Variants in ADGRB3 observed in about 807,000 individuals in gnomAD.
ADGRB3 encodes the protein brain-specific angiogenesis inhibitor 3.
Under a neutral mutation model 193.4 loss-of-function variants are expected in ADGRB3, and 37 were observed. The ratio of observed to expected loss-of-function variants is 0.19; its 90% CI spans 0.15 to 0.25. ADGRB3 has a LOEUF of 0.25. Ranked by LOEUF, ADGRB3 falls within the 10% of genes least tolerant of loss-of-function variation. The probability of loss-of-function intolerance (pLI) is 1.00; values close to 1 mark genes in which losing one functional copy is unlikely to be tolerated. For synonymous variants in ADGRB3, 690 were observed against 644.2 expected, an observed-to-expected ratio of 1.07 and a Z score of -1.08; for missense variants, 1,637 against 1,852.9, an observed-to-expected ratio of 0.88 and a Z score of 2.14.
chr6:68,737,041 T>C (rs959270401), intron 3 of ADGRB3, among the ~76,000 whole-genome samples: 3 of 152,160 alleles, frequency 2.0e-5, no homozygotes, highest in African/African-American at 7.2e-5. Flanking sequence ...TTTTAATCTG[T>C]GAGAAAAGTA....
intron 17 of ADGRB3, among the ~76,000 whole-genome samples, chr6:69,230,087 A>C (rs546035573): frequency 6.6e-6 from 1 of 152,196 alleles, no homozygotes; most frequent in Non-Finnish European, 1.5e-5. Context: ...AATTTCTGCA[A>C]ACATAGTTAC....
Position 69,063,049 on chromosome 6 carries a change from C to A in ADGRB3, c.2436+13C>A, listed in dbSNP as rs765781453. On this transcript the variant is annotated intron_variant, in intron 16 of 31. Coordinates refer to ENST00000370598, the MANE Select transcript of ADGRB3 (RefSeq NM_001704.3). ...TCATTTGGCTAATGTAAGTACCATCCACTGGGCACTGACTTGCTTATGGAA... is the reference window on the plus strand; with the variant it reads ...TCATTTGGCTAATGTAAGTACCATCAACTGGGCACTGACTTGCTTATGGAA... 1 of 1,567,428 alleles carries A rather than the reference C, an allele frequency of 6.4e-7. No homozygotes were observed. The highest frequency in any genetic ancestry group is 1.7e-4 in the Middle Eastern group (1 of 5,962).
Position 69,100,570 on chromosome 6 carries a change from G to C in ADGRB3, c.2480+24532G>C, listed in dbSNP as rs181108487. Among the ~76,000 whole-genome samples, 661 of 152,156 alleles carry C rather than the reference G, an allele frequency of 4.3e-3. 8 individuals are homozygous for C. The highest frequency in any genetic ancestry group is 0.015 in the African/African-American group (626 of 41,546). On this transcript the variant is annotated intron_variant, in intron 17 of 31. Transcript: ENST00000370598. ...CTCCCATATTAAATGCTTTTTGGCT[G>C]TATGGGTCAATGGGAATACAAGAAG... is the stretch of plus-strand genomic sequence containing the variant.
chr6:69,385,338 GA>G (rs1023280294), intron 31 of ADGRB3, among the ~76,000 whole-genome samples: 2 of 151,678 alleles, frequency 1.3e-5, no homozygotes, highest in East Asian at 1.9e-4. Flanking sequence ...GAGGAAGGAA[GA>G]AAAAAAGGAA....
In ADGRB3 at chr6:69,352,767, AGTTTT is replaced by A. The variant is rs3834303; in HGVS notation, c.3460-1446_3460-1442del. Among the ~76,000 whole-genome samples the A allele has an allele frequency of 3.3e-3, 500 of 152,312 alleles. 14 individuals carry two copies. The East Asian group carries it at 0.079, about 24-fold the overall frequency. ...AAGCTAAAAACAATGTAATAGGCTCAGTTTTGTTTTGTTTTGTTTTGTTTCCTGGC... is the reference window on the plus strand; with the variant it reads ...AAGCTAAAAACAATGTAATAGGCTCAGTTTTGTTTTGTTTTGTTTCCTGGC... On this transcript the variant is annotated intron_variant, in intron 26 of 31. Coordinates refer to ENST00000370598, the MANE Select transcript of ADGRB3 (RefSeq NM_001704.3).
At chr6:68,717,596 G>A (rs768785059) in intron 3 of ADGRB3, among the ~76,000 whole-genome samples, 6 of 151,456 alleles carry the variant, frequency 4.0e-5, no homozygotes, top group African/African-American at 1.2e-4. Context: ...CTGGGAAAGC[G>A]CTGGAAGCAC....
intron 17 of ADGRB3, among the ~76,000 whole-genome samples, chr6:69,160,117 G>T (rs1008654848): frequency 6.6e-6 from 1 of 152,066 alleles, no homozygotes; most frequent in Non-Finnish European, 1.5e-5. Flanking sequence ...ATTCTGACAG[G>T]TCTTCCTGAT....
intron 13 of ADGRB3, among the ~76,000 whole-genome samples, chr6:69,029,976 G>GCGCA (rs1554247942): frequency 1.3e-4 from 19 of 145,198 alleles, no homozygotes; most frequent in African/African-American, 3.4e-4. Flanking sequence ...TATATAGAAT[G>GCGCA]CACACACACA....
At chr6:69,228,482 T>C (rs554349435) in intron 17 of ADGRB3, among the ~76,000 whole-genome samples, 1 of 152,230 alleles carries the variant, frequency 6.6e-6, no homozygotes, top group African/African-American at 2.4e-5. Flanking sequence ...TAGAGGAGCA[T>C]GGGGGAAGAT....
chr6:69,335,419 A>T (rs1452827138), intron 24 of ADGRB3, among the ~76,000 whole-genome samples: 1 of 152,176 alleles, frequency 6.6e-6, no homozygotes, highest in Non-Finnish European at 1.5e-5. Flanking sequence ...AGAGAAACAG[A>T]AATGTTAACT....
chr6:69,070,088 A>G (rs1772034941), intron 16 of ADGRB3, among the ~76,000 whole-genome samples: 1 of 152,188 alleles, frequency 6.6e-6, no homozygotes, highest in Non-Finnish European at 1.5e-5. Flanking sequence ...GACTCAGAGC[A>G]CTGGAAATGT....
chr6:68,858,160 T>C (rs1765040940), intron 3 of ADGRB3, among the ~76,000 whole-genome samples: 1 of 152,084 alleles, frequency 6.6e-6, no homozygotes, highest in Non-Finnish European at 1.5e-5. Flanking sequence ...CAGTCAGGCA[T>C]GATGTTTCAT....
chr6:69,303,209 T>A (rs188689456), intron 20 of ADGRB3, among the ~76,000 whole-genome samples: 1 of 151,982 alleles, frequency 6.6e-6, no homozygotes, highest in African/African-American at 2.4e-5. Context: ...TGGATCCTTA[T>A]ATGAGATGAA....
At chr6:69,083,347 T>A (rs560259425) in intron 17 of ADGRB3, among the ~76,000 whole-genome samples, 5 of 152,336 alleles carry the variant, frequency 3.3e-5, no homozygotes, top group Admixed American at 6.5e-5. Context: ...AATTATACTT[T>A]GTTTACTGAA....
chr6:68,969,585 T>TC (rs1245158743), intron 8 of ADGRB3, among the ~76,000 whole-genome samples: 1 of 152,146 alleles, frequency 6.6e-6, no homozygotes, highest in Non-Finnish European at 1.5e-5. Flanking sequence ...TAGAGATTAC[T>TC]CTTTTGATGT....
rs143054298 is a variant in ADGRB3, at chr6:69,126,407, A to C, written c.2480+50369A>C. On this transcript the variant is annotated intron_variant, in intron 17 of 31. Transcript: ENST00000370598. The stretch of plus-strand genomic sequence containing the variant: ...TGGTAGAGTGGCTCAGTCCAAGCCC[A>C]ACGGCCTCAGAACTGTGGAAGCCAC... Among the ~76,000 whole-genome samples, 394 of 152,292 alleles carry C rather than the reference A, an allele frequency of 2.6e-3. 1 individual carries two copies. Among genetic ancestry groups the C allele is most frequent in the African/African-American group, 9.3e-3 (388 of 41,568 alleles).
intron 3 of ADGRB3, among the ~76,000 whole-genome samples, chr6:68,915,789 A>T (rs1039033024): frequency 6.6e-6 from 1 of 152,034 alleles, no homozygotes; most frequent in Non-Finnish European, 1.5e-5. Flanking sequence ...CTACCCAAGA[A>T]AAAAAACAAA....
At chr6:68,716,455 G>T (rs1052208468) in intron 3 of ADGRB3, among the ~76,000 whole-genome samples, 4 of 150,790 alleles carry the variant, frequency 2.7e-5, no homozygotes, top group African/African-American at 7.3e-5. Context: ...TACTGGTTCT[G>T]TAATATAGAC....
chr6:69,176,169 C>T lies in ADGRB3; in HGVS notation c.2481-57121C>T, dbSNP rs560271015. 3.9e-5 allele frequency among the ~76,000 whole-genome samples: 6 copies of T among 152,202 alleles called. No individual in the cohort carries two copies. In the South Asian group the frequency reaches 1.2e-3, roughly 32 times the overall value. On this transcript the variant is annotated intron_variant, in intron 17 of 31. Coordinates refer to ENST00000370598, the MANE Select transcript of ADGRB3 (RefSeq NM_001704.3). ...ATTTATCCAGCAAGTACTTCCAGCACTATGTTGTATAGGAGTGGTGAGAGT... is the reference window on the plus strand; with the variant it reads ...ATTTATCCAGCAAGTACTTCCAGCATTATGTTGTATAGGAGTGGTGAGAGT...
Sources: allele counts gnomAD v4.1 joint callset (sites outside exome capture counted in the v4.1 genomes callset), GRCh38; gene constraint gnomAD v4.1.1; transcripts MANE v1.5; gene names NCBI Gene and HGNC (gene_info 2026-07-23, HGNC 2026-07-21).